Variants in BICRAL observed in about 807,000 individuals in gnomAD.
BICRAL encodes the protein BICRA like chromatin remodeling complex associated protein.
In BICRAL, 8 loss-of-function variants were observed where a neutral mutation model predicts 91.8. That is an observed-to-expected ratio of 0.09 (90% CI 0.05 to 0.16). The LOEUF is 0.16. Ranked by LOEUF, BICRAL falls within the 10% of genes least tolerant of loss-of-function variation. The pLI, the probability that BICRAL is intolerant of heterozygous loss-of-function variation, is 1.00. For missense variants in BICRAL, 1,038 were observed against 1,310.9 expected, an observed-to-expected ratio of 0.79 and a Z score of 3.21; for synonymous variants, 445 against 491.1, an observed-to-expected ratio of 0.91 and a Z score of 1.24.
intron 1 of BICRAL, among the ~76,000 whole-genome samples, chr6:42,800,876 G>T (rs1261743235): frequency 6.6e-6 from 1 of 152,094 alleles, no homozygotes; most frequent in East Asian, 1.9e-4. Flanking sequence ...AAAATATTTT[G>T]AATGTTACTC....
chr6:42,842,742 G>C (rs1764839760), intron 6 of BICRAL, among the ~76,000 whole-genome samples: 1 of 152,006 alleles, frequency 6.6e-6, no homozygotes, highest in African/African-American at 2.4e-5. Context: ...TTTGTTAAAT[G>C]TTTTCTACAT....
intron 6 of BICRAL, among the ~76,000 whole-genome samples, chr6:42,837,184 T>C (rs1764667016): frequency 6.6e-6 from 1 of 151,758 alleles, no homozygotes; most frequent in Admixed American, 6.6e-5. Context: ...TGACCTCAGG[T>C]GATCTGCCTG....
intron 1 of BICRAL, among the ~76,000 whole-genome samples, chr6:42,752,752 C>T (rs1007569156): frequency 6.6e-6 from 1 of 151,704 alleles, no homozygotes; most frequent in African/African-American, 2.4e-5. Flanking sequence ...TACAGGCACA[C>T]ACCACCATGT....
intron 1 of BICRAL, among the ~76,000 whole-genome samples, chr6:42,782,749 C>G (rs1582812914): frequency 6.6e-6 from 1 of 151,600 alleles, no homozygotes; most frequent in East Asian, 2.0e-4. Context: ...CCGGAGCCGC[C>G]GGGAGCCGGG....
upstream of BICRAL, chr6:42,781,902 G>T (rs940925546): frequency 7.1e-6 from 1 of 141,546 alleles, no homozygotes; most frequent in Non-Finnish European, 1.5e-5. Flanking sequence ...AGAGCATGAA[G>T]GCCGGGCGGG....
At chr6:42,828,359 C>G (rs2113955763) in intron 5 of BICRAL, 134 bp from the exon 6 acceptor site, 1 of 718,440 alleles carries the variant, frequency 1.4e-6, no homozygotes, top group East Asian at 2.8e-5. Context: ...CGAGATCACG[C>G]CACTGCACTC....
intron 6 of BICRAL, among the ~76,000 whole-genome samples, chr6:42,837,962 G>C (rs4714630): frequency 0.47 from 71,397 of 151,950 alleles, 18,060 homozygotes; most frequent in African/African-American, 0.66. Flanking sequence ...TGAATACATT[G>C]ACGTGGTATC....
At chr6:42,830,792 T>A (rs1764453645) in intron 6 of BICRAL, among the ~76,000 whole-genome samples, 1 of 152,148 alleles carries the variant, frequency 6.6e-6, no homozygotes, top group Non-Finnish European at 1.5e-5. Flanking sequence ...GTTTTTTGTA[T>A]TTTTTGTAGA....
intron 6 of BICRAL, among the ~76,000 whole-genome samples, chr6:42,841,657 T>A (rs1764803226): frequency 6.6e-6 from 1 of 152,226 alleles, no homozygotes; most frequent in African/African-American, 2.4e-5. Flanking sequence ...ATGCCTTTAA[T>A]GAATTACCAA....
At chr6:42,860,441 T>A in intron 11 of BICRAL, 85 bp downstream of exon 11, 1 of 764,414 alleles carries the variant, frequency 1.3e-6, no homozygotes, top group Non-Finnish European at 2.2e-6. Context: ...CAAGGAATTA[T>A]AGAATATAAT....
chr6:42,826,231 C>CTTT (rs763034286), intron 5 of BICRAL, among the ~76,000 whole-genome samples: 9 of 116,862 alleles, frequency 7.7e-5, no homozygotes, highest in Non-Finnish European at 1.5e-4. Flanking sequence ...AACTCATGTT[C>CTTT]TTTTTTTTTT....
chr6:42,760,695 T>C (rs1762530815), intron 1 of BICRAL, among the ~76,000 whole-genome samples: 1 of 152,082 alleles, frequency 6.6e-6, no homozygotes, highest in South Asian at 2.1e-4. Flanking sequence ...CATGAGCCAC[T>C]GTGTCCGACT....
chr6:42,791,683 C>CA (rs533086591), intron 1 of BICRAL, among the ~76,000 whole-genome samples: 156 of 152,268 alleles, frequency 1.0e-3, no homozygotes, highest in African/African-American at 3.6e-3. Context: ...AGGCGTGTCT[C>CA]AAACTCCTGG....
chr6:42,861,553 A>G (rs1037846083), intron 11 of BICRAL, among the ~76,000 whole-genome samples: 1 of 152,348 alleles, frequency 6.6e-6, no homozygotes, highest in Admixed American at 6.5e-5. Context: ...TTAACCTATC[A>G]ATTGGTCTCT....
intron 1 of BICRAL, among the ~76,000 whole-genome samples, chr6:42,752,311 A>G (rs769342447): frequency 1.3e-5 from 2 of 152,250 alleles, no homozygotes; most frequent in Non-Finnish European, 2.9e-5. Context: ...TTATCTAAAC[A>G]TCTGTTTATT....
chr6:42,747,997 T>C (rs936998334), intron 1 of BICRAL, among the ~76,000 whole-genome samples: 1 of 151,710 alleles, frequency 6.6e-6, no homozygotes, highest in Non-Finnish European at 1.5e-5. Flanking sequence ...AGAGACGGGG[T>C]TTCTCCATGT....
rs1429421679 is a variant in BICRAL, at chr6:42,830,112, G to A, written c.1779G>A (p.Lys593=). 1 of 1,614,114 alleles carries A rather than the reference G, an allele frequency of 6.2e-7. No homozygotes were observed. The highest frequency in any genetic ancestry group is 1.7e-5 in the Admixed American group (1 of 60,018). Residue 593 remains lysine (K), a synonymous_variant, in exon 6 of 13, where the codon AAG becomes AAA. Transcript: ENST00000314073. ...VSHRLPVSSS[K]STSTFSNTPG... is the part of the protein sequence containing the mutation. Reference sequence around the variant, plus strand: ...ATCGTCTTCCAGTTTCTTCTTCCAAGTCTACCAGCACCTTCAGTAACACAC... The same window carrying A: ...ATCGTCTTCCAGTTTCTTCTTCCAAATCTACCAGCACCTTCAGTAACACAC...
At position 42,828,393 on chromosome 6, in the gene BICRAL, T is replaced by TC. The variant is rs1356615461; in HGVS notation, c.160-98dup. 4.3e-5 allele frequency: 43 copies of TC among 1,008,460 alleles called. No individual in the cohort carries two copies. The African/African-American group carries it at 6.5e-4, about 15-fold the overall frequency. 62.5% of individuals were successfully genotyped at this position (1,008,460 alleles called of 1,614,324 possible). On this transcript the variant is annotated intron_variant, in intron 5 of 12. Coordinates refer to ENST00000314073, the MANE Select transcript of BICRAL (RefSeq NM_001393499.1). ...TCCAGCCTGGGTGACAGAGCGAGACTCCATCTCAAAAAAAAAAAAAAAAGT... is the reference window on the plus strand; with the variant it reads ...TCCAGCCTGGGTGACAGAGCGAGACTCCCATCTCAAAAAAAAAAAAAAAAGT...
exon 1 of BICRAL, chr6:42,746,999 G>C (rs979998125): frequency 1.3e-5 from 2 of 152,428 alleles, no homozygotes; most frequent in African/African-American, 4.8e-5. Flanking sequence ...TCCCTCCGCA[G>C]CTGGGCGTCG....
Sources: gnomAD v4.1 joint callset for allele counts (sites outside exome capture counted in the v4.1 genomes callset) on GRCh38, gnomAD v4.1.1 for gene constraint, MANE v1.5 for transcripts, NCBI Gene and HGNC (gene_info 2026-07-23, HGNC 2026-07-21) for gene names.